The following SGCZ variants were observed in gnomAD, a reference collection of about 807,000 sequenced individuals.
SGCZ encodes the protein sarcoglycan zeta, also known as zeta-sarcoglycan.
A neutral mutation model predicts 41.3 loss-of-function variants in SGCZ; 40 were observed. That is an observed-to-expected ratio of 0.97 (90% CI 0.75 to 1.26). SGCZ has a LOEUF of 1.26. Ranked by LOEUF, SGCZ falls within the 50% of genes most tolerant of loss-of-function variation. The probability of loss-of-function intolerance (pLI) is 0.00; values close to 1 mark genes in which losing one functional copy is unlikely to be tolerated. For synonymous variants in SGCZ, 206 were observed against 137.5 expected, an observed-to-expected ratio of 1.50 and a Z score of -3.49; for missense variants, 552 against 369.8, an observed-to-expected ratio of 1.49 and a Z score of -4.04.
At chr8:14,212,947 T>C (rs1805866038) in intron 4 of SGCZ, among the ~76,000 whole-genome samples, 1 of 151,850 alleles carries the variant, frequency 6.6e-6, no homozygotes. Context: ...CTGGATGGGA[T>C]TAATAGTAGA....
At chr8:14,846,658 GTA>G (rs1803115463) in intron 1 of SGCZ, among the ~76,000 whole-genome samples, 1 of 131,448 alleles carries the variant, frequency 7.6e-6, no homozygotes, top group Non-Finnish European at 1.5e-5. Flanking sequence ...GAATATCTCT[GTA>G]TATATTTCAA....
At chr8:15,201,524 T>C (rs1230921546) in intron 1 of SGCZ, among the ~76,000 whole-genome samples, 2 of 152,336 alleles carry the variant, frequency 1.3e-5, no homozygotes, top group Admixed American at 6.5e-5. Flanking sequence ...GATTAATAAA[T>C]GTCAGTTCAA....
chr8:14,772,339 T>C (rs190525048), intron 1 of SGCZ, among the ~76,000 whole-genome samples: 108 of 152,240 alleles, frequency 7.1e-4, no homozygotes, highest in Non-Finnish European at 1.1e-3. Flanking sequence ...GAATAAACTA[T>C]AAGCATTACT....
intron 1 of SGCZ, among the ~76,000 whole-genome samples, chr8:14,796,246 C>T (rs1801124998): frequency 6.6e-6 from 1 of 152,140 alleles, no homozygotes; most frequent in South Asian, 2.1e-4. Context: ...TGAGAAATCA[C>T]TCCACAATCT....
At chr8:14,744,737 A>G (rs1468209363) in intron 1 of SGCZ, among the ~76,000 whole-genome samples, 2 of 152,176 alleles carry the variant, frequency 1.3e-5, no homozygotes, top group Non-Finnish European at 2.9e-5. Flanking sequence ...AAAATGTTCA[A>G]TGAGAGATTA....
At chr8:15,117,252 A>T (rs1807302827) in intron 1 of SGCZ, among the ~76,000 whole-genome samples, 2 of 152,076 alleles carry the variant, frequency 1.3e-5, no homozygotes, top group South Asian at 4.1e-4. Flanking sequence ...CCAGCTACTC[A>T]GGGAGCTGAG....
chr8:14,284,079 T>C lies in SGCZ; in HGVS notation c.336+40024A>G, dbSNP rs75154201. 5.6e-3 allele frequency among the ~76,000 whole-genome samples: 850 copies of C among 152,336 alleles called. 8 individuals carry two copies. Among genetic ancestry groups the C allele is most frequent in the African/African-American group, 0.02 (812 of 41,584 alleles). The stretch of plus-strand genomic sequence containing the variant: ...ATAAGATGTCTCTCCTTATTTCTAG[T>C]GATATTATTTTATGCTAAAGTAGAT... On this transcript the variant is annotated intron_variant, in intron 3 of 7. Transcript: ENST00000382080.
chr8:15,121,434 A>C (rs139675863), intron 1 of SGCZ, among the ~76,000 whole-genome samples: 1 of 152,200 alleles, frequency 6.6e-6, no homozygotes, highest in Non-Finnish European at 1.5e-5. Context: ...CATATAGCAG[A>C]TGACCTTCCA....
At chr8:14,381,843 C>A (rs1804378999) in intron 2 of SGCZ, among the ~76,000 whole-genome samples, 1 of 152,032 alleles carries the variant, frequency 6.6e-6, no homozygotes, top group Admixed American at 6.6e-5. Context: ...AAGCCCTAGG[C>A]TTTATGCACA....
At chr8:14,187,323 C>T (rs1261312210) in intron 4 of SGCZ, among the ~76,000 whole-genome samples, 8 of 151,864 alleles carry the variant, frequency 5.3e-5, no homozygotes, top group African/African-American at 1.5e-4. Flanking sequence ...TTTAAAAACC[C>T]GAGAAAAGTC....
At chr8:14,099,107 G>A (rs953021848) in intron 7 of SGCZ, among the ~76,000 whole-genome samples, 1 of 152,158 alleles carries the variant, frequency 6.6e-6, no homozygotes, top group Non-Finnish European at 1.5e-5. Flanking sequence ...AGAGGTATAA[G>A]TCATAAGATT....
chr8:15,222,420 G>T (rs972262444), intron 1 of SGCZ, among the ~76,000 whole-genome samples: 2 of 151,754 alleles, frequency 1.3e-5, no homozygotes, highest in African/African-American at 4.8e-5. Flanking sequence ...CAGTTTTTCT[G>T]TCATGGAAAA....
At chr8:14,276,428 T>C (rs745636302) in intron 3 of SGCZ, among the ~76,000 whole-genome samples, 10 of 152,136 alleles carry the variant, frequency 6.6e-5, no homozygotes, top group Non-Finnish European at 1.5e-4. Flanking sequence ...GATTGTTAAT[T>C]TATGTCCCGT....
At chr8:14,156,410 G>C (rs1405442356) in intron 5 of SGCZ, among the ~76,000 whole-genome samples, 2 of 152,044 alleles carry the variant, frequency 1.3e-5, no homozygotes, top group African/African-American at 4.8e-5. Context: ...GCAGTGAGCA[G>C]AGATCATGCC....
At chr8:14,718,396 C>A (rs1357639072) in intron 1 of SGCZ, among the ~76,000 whole-genome samples, 2 of 151,610 alleles carry the variant, frequency 1.3e-5, no homozygotes, top group African/African-American at 2.4e-5. Context: ...AGAGAGAAAC[C>A]AATATTATCT....
chr8:14,850,676 T>G (rs528589637), intron 1 of SGCZ, among the ~76,000 whole-genome samples: 1 of 152,258 alleles, frequency 6.6e-6, no homozygotes, highest in East Asian at 1.9e-4. Context: ...CACCCAAATC[T>G]CATCTTGAAT....
chr8:14,484,151 T>G (rs982019426), intron 2 of SGCZ, among the ~76,000 whole-genome samples: 9 of 152,202 alleles, frequency 5.9e-5, no homozygotes, highest in Non-Finnish European at 1.2e-4. Context: ...AAACTGGTTA[T>G]ACACTATATT....
intron 1 of SGCZ, among the ~76,000 whole-genome samples, chr8:15,131,449 T>C (rs1394678599): frequency 2.0e-5 from 3 of 152,220 alleles, no homozygotes; most frequent in Non-Finnish European, 2.9e-5. Flanking sequence ...TCTTTTCCTT[T>C]ATAAATTACC....
chr8:14,396,852 A>T (rs1798933949), intron 2 of SGCZ, among the ~76,000 whole-genome samples: 1 of 152,074 alleles, frequency 6.6e-6, no homozygotes, highest in Non-Finnish European at 1.5e-5. Context: ...TAAGAGATCA[A>T]ATAGCATTAT....
Sources: gnomAD v4.1 joint callset for allele counts (sites outside exome capture counted in the v4.1 genomes callset) on GRCh38, gnomAD v4.1.1 for gene constraint, MANE v1.5 for transcripts, NCBI Gene and HGNC (gene_info 2026-07-23, HGNC 2026-07-21) for gene names.